DCDC2C: variants seen among roughly 807,000 people sequenced by gnomAD.
DCDC2C encodes the protein doublecortin domain-containing protein 2C.
In DCDC2C, 44 loss-of-function variants were observed where a neutral mutation model predicts 45.0. The observed-to-expected ratio is 0.98, with a 90% CI of 0.77 to 1.26. DCDC2C has a LOEUF of 1.26. DCDC2C is among the 50% of genes most tolerant of loss of function. DCDC2C has a pLI of 0.00. For missense variants in DCDC2C, 447 were observed against 468.9 expected, an observed-to-expected ratio of 0.95 and a Z score of 0.43; for synonymous variants, 187 against 178.8, an observed-to-expected ratio of 1.05 and a Z score of -0.37.
chr2:3,752,661 C>T (rs544305489), intron 4 of DCDC2C, 102 bp from the exon 5 acceptor site: 1,038 of 1,353,356 alleles, frequency 7.7e-4, no homozygotes, highest in Non-Finnish European at 1.0e-3. Context: ...GTTTCTCCAG[C>T]GGTCCATGCA....
At chr2:3,766,147 T>C (rs1016142119) in intron 6 of DCDC2C, among the ~76,000 whole-genome samples, 1 of 152,042 alleles carries the variant, frequency 6.6e-6, no homozygotes, top group Non-Finnish European at 1.5e-5. Flanking sequence ...GGGGGCTGGG[T>C]CACACCGTGG....
At chr2:3,748,035 C>T (rs1364196482) in intron 4 of DCDC2C, among the ~76,000 whole-genome samples, 1 of 152,164 alleles carries the variant, frequency 6.6e-6, no homozygotes, top group Non-Finnish European at 1.5e-5. Context: ...CTCAGGCACA[C>T]AGCCTTTGTG....
rs1669882249 is a variant in DCDC2C, at chr2:3,761,504, A to T, written c.727-6250A>T. ...CTGTGAAATGAGTGCTTTGGAATTGACATTTGCTGGCTAATCATGTCAAGG... is the reference window on the plus strand; with the variant it reads ...CTGTGAAATGAGTGCTTTGGAATTGTCATTTGCTGGCTAATCATGTCAAGG... On this transcript the variant is annotated intron_variant, in intron 6 of 10. Transcript: ENST00000399143. The surrounding 1 kb of genome is among the most constrained non-coding windows in gnomAD (Gnocchi z 4.3). 6.6e-6 allele frequency among the ~76,000 whole-genome samples: 1 copy of T among 152,218 alleles called. No individual in the cohort carries two copies. Among genetic ancestry groups the T allele is most frequent in the Non-Finnish European group, 1.5e-5 (1 of 68,050 alleles).
At chr2:3,757,958 C>T (rs901163734) in intron 6 of DCDC2C, among the ~76,000 whole-genome samples, 6 of 152,126 alleles carry the variant, frequency 3.9e-5, no homozygotes, top group African/African-American at 7.2e-5. Context: ...AGAGTGGGCA[C>T]GTAGGGGTCA....
intron 4 of DCDC2C, among the ~76,000 whole-genome samples, chr2:3,745,702 C>T (rs577273536): frequency 1.3e-5 from 2 of 152,180 alleles, no homozygotes; most frequent in East Asian, 3.9e-4. Flanking sequence ...ACACCTTTTC[C>T]TTGTGTGGGT....
chr2:3,823,233 A>AT (rs552262195), intron 10 of DCDC2C, among the ~76,000 whole-genome samples: 76 of 149,152 alleles, frequency 5.1e-4, no homozygotes, highest in African/African-American at 1.5e-3. Context: ...TCTCTGATCT[A>AT]TTTTTTTTTC....
chr2:3,760,056 C>A (rs1030016368), intron 6 of DCDC2C, among the ~76,000 whole-genome samples: 10 of 152,180 alleles, frequency 6.6e-5, no homozygotes, highest in Non-Finnish European at 1.2e-4. Context: ...TCAGGGAATG[C>A]TGACTCCCTC....
At chr2:3,749,332 A>C (rs12621760) in intron 4 of DCDC2C, among the ~76,000 whole-genome samples, 1 of 152,238 alleles carries the variant, frequency 6.6e-6, no homozygotes, top group African/African-American at 2.4e-5. Context: ...ATTTATGTGC[A>C]TGATCTCATT....
chr2:3,838,115 G>T (rs1672125750), intron 10 of DCDC2C, among the ~76,000 whole-genome samples: 1 of 152,128 alleles, frequency 6.6e-6, no homozygotes, highest in South Asian at 2.1e-4. Context: ...CCTTGAAGGT[G>T]GTGATCGCGA....
At chr2:3,804,827 G>T (rs1356139552) in intron 10 of DCDC2C, among the ~76,000 whole-genome samples, 1 of 152,106 alleles carries the variant, frequency 6.6e-6, no homozygotes, top group African/African-American at 2.4e-5. Flanking sequence ...CCCCCATTCT[G>T]GCCTCCTAAA....
chr2:3,743,107 T>TA (rs1244719619), intron 4 of DCDC2C, among the ~76,000 whole-genome samples: 3 of 152,212 alleles, frequency 2.0e-5, no homozygotes, highest in African/African-American at 7.2e-5. Flanking sequence ...CAGCTGGACT[T>TA]ACATCAGACC....
intron 8 of DCDC2C, among the ~76,000 whole-genome samples, chr2:3,770,943 A>T (rs1670147506): frequency 6.6e-6 from 1 of 152,198 alleles, no homozygotes; most frequent in Non-Finnish European, 1.5e-5. Context: ...GTGGAGGAGG[A>T]GGGGCTTCCA....
chr2:3,793,713 G>T (rs1219822421), intron 10 of DCDC2C, among the ~76,000 whole-genome samples: 1 of 152,194 alleles, frequency 6.6e-6, no homozygotes, highest in Non-Finnish European at 1.5e-5. Flanking sequence ...TGTCTATCAG[G>T]CACGCCACAT....
chr2:3,801,719 A>G (rs1226899696), intron 10 of DCDC2C, among the ~76,000 whole-genome samples: 1 of 152,194 alleles, frequency 6.6e-6, no homozygotes, highest in East Asian at 1.9e-4. Context: ...TGGCTTCTGT[A>G]CTGGGAGCTT....
intron 10 of DCDC2C, among the ~76,000 whole-genome samples, chr2:3,842,569 A>G (rs1287106911): frequency 6.6e-6 from 1 of 151,476 alleles, no homozygotes; most frequent in Non-Finnish European, 1.5e-5. Context: ...TATGTGAGGA[A>G]GATGGAGATA....
At chr2:3,759,226 G>A (rs1177568678) in intron 6 of DCDC2C, among the ~76,000 whole-genome samples, 10 of 152,160 alleles carry the variant, frequency 6.6e-5, no homozygotes, top group Non-Finnish European at 1.5e-4. Context: ...TCAGACTCTG[G>A]ATGTAAAATC....
At chr2:3,812,299 G>A (rs1671418739) in intron 10 of DCDC2C, among the ~76,000 whole-genome samples, 1 of 151,398 alleles carries the variant, frequency 6.6e-6, no homozygotes, top group African/African-American at 2.4e-5. Flanking sequence ...CTTCTTCCTT[G>A]GTTAGTCTTC....
intron 7 of DCDC2C, among the ~76,000 whole-genome samples, chr2:3,768,733 C>A (rs969831892): frequency 3.3e-5 from 5 of 152,136 alleles, no homozygotes; most frequent in Admixed American, 2.0e-4. Context: ...CTCACCACAC[C>A]TGGCTAATTT....
chr2:3,715,107 C>G (rs1158794352), intron 2 of DCDC2C, among the ~76,000 whole-genome samples: 1 of 152,056 alleles, frequency 6.6e-6, no homozygotes, highest in Non-Finnish European at 1.5e-5. Flanking sequence ...TTTATTTAAA[C>G]AAAATGGGAG....
Sources: gnomAD v4.1 joint callset for allele counts (sites outside exome capture counted in the v4.1 genomes callset) on GRCh38, gnomAD v4.1.1 for gene constraint, Gnocchi (gnomAD v3.1) non-coding constraint, MANE v1.5 for transcripts, NCBI Gene and HGNC (gene_info 2026-07-23, HGNC 2026-07-21) for gene names.